The following ICA1 variants were observed in gnomAD, a reference collection of about 807,000 sequenced individuals.
The protein encoded by ICA1 is 69 kDa islet cell autoantigen.
ICA1 carries 40 observed loss-of-function variants against 71.0 expected under a neutral mutation model. That is an observed-to-expected ratio of 0.56 (90% CI 0.44 to 0.73). ICA1 has a LOEUF of 0.73. Ranked by LOEUF, ICA1 falls within the 30% of genes least tolerant of loss-of-function variation. The pLI, the probability that ICA1 is intolerant of heterozygous loss-of-function variation, is 0.00. For missense variants in ICA1, 578 were observed against 576.5 expected, an observed-to-expected ratio of 1.00 and a Z score of -0.03; for synonymous variants, 207 against 209.5, an observed-to-expected ratio of 0.99 and a Z score of 0.10.
chr7:8,118,089 C>T (rs976800192), intron 13 of ICA1, among the ~76,000 whole-genome samples: 30 of 152,128 alleles, frequency 2.0e-4, no homozygotes, highest in Non-Finnish European at 5.9e-5. Flanking sequence ...CGTGAGTATA[C>T]TTCTAAAGCA....
intron 6 of ICA1, among the ~76,000 whole-genome samples, chr7:8,176,615 T>C (rs934768683): frequency 1.3e-5 from 2 of 152,232 alleles, no homozygotes; most frequent in African/African-American, 2.4e-5. Context: ...GAAGAGACGA[T>C]AGCAGAATGA....
intron 12 of ICA1, among the ~76,000 whole-genome samples, chr7:8,131,289 C>T (rs115092558): frequency 6.6e-6 from 1 of 152,220 alleles, no homozygotes; most frequent in African/African-American, 2.4e-5. Context: ...GTCCCCATTA[C>T]ATGGATCAAT....
At chr7:8,199,557 A>T (rs1467624021) in intron 6 of ICA1, among the ~76,000 whole-genome samples, 1 of 151,972 alleles carries the variant, frequency 6.6e-6, no homozygotes, top group Non-Finnish European at 1.5e-5. Flanking sequence ...CTAAAAAAAT[A>T]AAAAAAATTA....
rs2128237421 is a variant in ICA1 at position 8,173,477 on chromosome 7, C to G, written c.580-14825G>C. Among the ~76,000 whole-genome samples, 1 of 152,274 alleles carries G rather than the reference C, an allele frequency of 6.6e-6. No homozygotes were observed. Among genetic ancestry groups the G allele is most frequent in the South Asian group, 2.1e-4 (1 of 4,822 alleles). ...ACAAACAAACAAAACCCTCACTGGGCACCTGTAGAGAATGCTAATGAACCA... is the reference window on the plus strand; with the variant it reads ...ACAAACAAACAAAACCCTCACTGGGGACCTGTAGAGAATGCTAATGAACCA... On this transcript the variant is annotated intron_variant, in intron 6 of 13. Coordinates refer to ENST00000402384, the MANE Select transcript of ICA1 (RefSeq NM_001136020.3). This position sits in a 1 kb window ranked among gnomAD's most constrained non-coding sequence, Gnocchi z 4.0.
chr7:8,176,357 T>C (rs1780627415), intron 6 of ICA1, among the ~76,000 whole-genome samples: 1 of 152,198 alleles, frequency 6.6e-6, no homozygotes, highest in South Asian at 2.1e-4. Context: ...CGCTTAAGGG[T>C]TTGCTCCTCT....
intron 1 of ICA1, among the ~76,000 whole-genome samples, chr7:8,248,146 A>G (rs1806767275): frequency 6.6e-6 from 1 of 152,144 alleles, no homozygotes; most frequent in Admixed American, 6.5e-5. Flanking sequence ...TCTCCAATTA[A>G]TTAACTTTAC....
chr7:8,224,850 G>A (rs376195740), intron 4 of ICA1, among the ~76,000 whole-genome samples: 74 of 152,268 alleles, frequency 4.9e-4, no homozygotes, highest in African/African-American at 1.3e-3. Flanking sequence ...TGTAGAATGT[G>A]CCTCAATTTG....
chr7:8,191,026 T>C (rs879557766), intron 6 of ICA1, among the ~76,000 whole-genome samples: 6 of 152,204 alleles, frequency 3.9e-5, no homozygotes, highest in Non-Finnish European at 5.9e-5. Flanking sequence ...GTTTATTCCA[T>C]AGTTACAGGT....
intron 6 of ICA1, among the ~76,000 whole-genome samples, chr7:8,213,205 T>C (rs564740676): frequency 6.6e-6 from 1 of 152,268 alleles, no homozygotes; most frequent in South Asian, 2.1e-4. Flanking sequence ...ACAAAAGAAA[T>C]TCTCCTCATA....
chr7:8,212,738 C>T (rs1025727032), intron 6 of ICA1, among the ~76,000 whole-genome samples: 2 of 152,180 alleles, frequency 1.3e-5, no homozygotes, highest in South Asian at 2.1e-4. Context: ...TCTGAGGTCA[C>T]GCTCCTTCCT....
At chr7:8,255,603 C>T (rs540565138) in intron 1 of ICA1, among the ~76,000 whole-genome samples, 13 of 152,262 alleles carry the variant, frequency 8.5e-5, no homozygotes, top group Admixed American at 3.3e-4. Context: ...TCCACATTTC[C>T]ACCTCCAGAT....
chr7:8,117,767 G>C lies in ICA1; in HGVS notation c.1331-3723C>G, dbSNP rs550549694. Reference sequence around the variant, plus strand: ...TCAAGAGAGATCATGTTTGGAAGGCGAGTTCAGATGGGGCAGTGAAACCAA... The same window carrying C: ...TCAAGAGAGATCATGTTTGGAAGGCCAGTTCAGATGGGGCAGTGAAACCAA... On this transcript the variant is annotated intron_variant, in intron 13 of 13. Transcript: ENST00000402384. 5.9e-4 allele frequency among the ~76,000 whole-genome samples: 90 copies of C among 152,272 alleles called. 3 individuals carry two copies. The South Asian group carries it at 0.016, about 27-fold the overall frequency.
At position 8,252,046 on chromosome 7, in the gene ICA1, T is replaced by A. The variant is rs149757567; in HGVS notation, c.-80+10048A>T. On this transcript the variant is annotated intron_variant, in intron 1 of 13. Coordinates refer to ENST00000402384, the MANE Select transcript of ICA1 (RefSeq NM_001136020.3). ...TCTAGAAAGATAAAAATATAAAGTG[T>A]AAAACAACACTAGAAACAGAACAAA... 2.6e-3 allele frequency among the ~76,000 whole-genome samples: 403 copies of A among 152,196 alleles called. 2 individuals carry two copies. The highest frequency in any genetic ancestry group is 9.1e-3 in the African/African-American group (378 of 41,514).
intron 10 of ICA1, among the ~76,000 whole-genome samples, chr7:8,139,849 C>T (rs1794628383): frequency 6.6e-6 from 1 of 152,090 alleles, no homozygotes; most frequent in Non-Finnish European, 1.5e-5. Context: ...TAAAGTGTGT[C>T]TGTGTGTGTG....
intron 6 of ICA1, among the ~76,000 whole-genome samples, chr7:8,211,637 A>G (rs1407043676): frequency 1.3e-5 from 2 of 152,226 alleles, no homozygotes; most frequent in Non-Finnish European, 2.9e-5. Flanking sequence ...TACATTGATC[A>G]CTACTCAACT....
At chr7:8,170,522 T>G (rs1427888568) in intron 6 of ICA1, among the ~76,000 whole-genome samples, 1 of 152,000 alleles carries the variant, frequency 6.6e-6, no homozygotes, top group Non-Finnish European at 1.5e-5. Flanking sequence ...TTGGGTAGAT[T>G]TTGGTGCACA....
chr7:8,181,531 G>A (rs1217793836), intron 6 of ICA1, among the ~76,000 whole-genome samples: 1 of 152,094 alleles, frequency 6.6e-6, no homozygotes, highest in East Asian at 1.9e-4. Flanking sequence ...GAATGGTGTT[G>A]CATTTAATCT....
chr7:8,218,703 C>T, intron 5 of ICA1, 200 bp from the exon 6 acceptor site: 1 of 597,478 alleles, frequency 1.7e-6, no homozygotes, highest in Non-Finnish European at 3.0e-6. Context: ...TCCATGTACC[C>T]ATCCCTTAGT....
At chr7:8,147,687 AAC>A (rs71014764) in intron 8 of ICA1, among the ~76,000 whole-genome samples, 3,688 of 145,348 alleles carry the variant, frequency 0.025, 89 homozygotes, top group African/African-American at 0.057. Flanking sequence ...AGCCAAGGGG[AAC>A]ACACACACAC....
Sources: allele counts gnomAD v4.1 joint callset (sites outside exome capture counted in the v4.1 genomes callset), GRCh38; gene constraint gnomAD v4.1.1; non-coding constraint Gnocchi (gnomAD v3.1); transcripts MANE v1.5; gene names NCBI Gene and HGNC (gene_info 2026-07-23, HGNC 2026-07-21).